The following COL14A1 variants were observed in gnomAD, a reference collection of about 807,000 sequenced individuals.
COL14A1 encodes collagen type XIV alpha 1 chain, also known as collagen alpha-1(XIV) chain.
A neutral mutation model predicts 230.3 loss-of-function variants in COL14A1; 136 were observed. The ratio of observed to expected loss-of-function variants is 0.59; its 90% confidence interval spans 0.51 to 0.68. The LOEUF (loss-of-function observed/expected upper bound fraction) is 0.68. COL14A1 is among the 30% of genes least tolerant of loss of function. The pLI is 0.00. For missense variants in COL14A1, 1,976 were observed against 2,215.8 expected (o/e 0.89, Z 2.17); for synonymous variants, 792 against 784.1 (o/e 1.01, Z -0.17).
chr8:120,237,706 A>G (rs1818490837), intron 19 of COL14A1, among the ~76,000 whole-genome samples: 2 of 151,920 alleles, frequency 1.3e-5, no homozygotes, highest in African/African-American at 4.8e-5. Flanking sequence ...GGTTTTTGAA[A>G]CTTTCAGCCT....
chr8:120,324,283 A>G (rs1479916947), intron 40 of COL14A1, among the ~76,000 whole-genome samples: 1 of 152,180 alleles, frequency 6.6e-6, no homozygotes, highest in African/African-American at 2.4e-5. Context: ...TACATATAAT[A>G]TATAAATAGA....
At position 120,300,750 on chromosome 8, in the gene COL14A1, C is replaced by T; in HGVS notation, c.4333C>T (p.Pro1445Ser). ...LPGLRDDESC[P>S]DLPHSCSCSE... ...TTTTCAGAGAGATGATGAGTCTTGC[C>T]CAGACCTTCCCCATTCCTGCTCCTG... Residue 1445 changes from proline to serine, a missense_variant, in exon 36 of 48, where the codon CCA becomes TCA. By Grantham distance (74) the Pro-to-Ser change is moderately conservative (BLOSUM62 -1). Coordinates refer to ENST00000297848, the MANE Select transcript of COL14A1 (RefSeq NM_021110.4). 1.2e-6 allele frequency: 2 copies of T among 1,613,382 alleles called. No individual in the cohort carries two copies. The highest frequency in any genetic ancestry group is 1.7e-6 in the Non-Finnish European group (2 of 1,179,568).
chr8:120,260,745 G>C (rs1259355698), intron 23 of COL14A1, among the ~76,000 whole-genome samples: 1 of 152,168 alleles, frequency 6.6e-6, no homozygotes, highest in Admixed American at 6.5e-5. Context: ...GAAAACACTT[G>C]AAACTCTTCA....
intron 24 of COL14A1, among the ~76,000 whole-genome samples, chr8:120,264,917 G>A (rs983234162): frequency 2.0e-5 from 3 of 152,030 alleles, no homozygotes; most frequent in African/African-American, 4.8e-5. Context: ...CCTTGACCCC[G>A]CACTGGTTAA....
intron 26 of COL14A1, among the ~76,000 whole-genome samples, chr8:120,273,822 C>A (rs1270321550): frequency 1.3e-5 from 2 of 150,550 alleles, no homozygotes; most frequent in African/African-American, 4.9e-5. Flanking sequence ...AAAAAAAGGC[C>A]CAGGGCCAGA....
At chr8:120,146,972 A>G (rs1332390746) in intron 1 of COL14A1, among the ~76,000 whole-genome samples, 1 of 152,038 alleles carries the variant, frequency 6.6e-6, no homozygotes, top group African/African-American at 2.4e-5. Context: ...TGGTCTTTTA[A>G]ATTAATACAG....
intron 42 of COL14A1, among the ~76,000 whole-genome samples, chr8:120,336,972 A>G (rs138380173): frequency 6.6e-6 from 1 of 152,276 alleles, no homozygotes; most frequent in East Asian, 1.9e-4. Flanking sequence ...TCAACTATTG[A>G]TGTTTGTCTC....
intron 7 of COL14A1, among the ~76,000 whole-genome samples, chr8:120,198,536 A>T (rs1817122101): frequency 6.6e-6 from 1 of 152,212 alleles, no homozygotes; most frequent in African/African-American, 2.4e-5. Context: ...CCCAACTCTG[A>T]AAATCCAAAA....
intron 4 of COL14A1, among the ~76,000 whole-genome samples, chr8:120,163,081 C>T (rs1815738248): frequency 6.6e-6 from 1 of 152,130 alleles, no homozygotes; most frequent in Non-Finnish European, 1.5e-5. Flanking sequence ...TGTAGGATCC[C>T]CAGAAGGCGC....
intron 9 of COL14A1, among the ~76,000 whole-genome samples, chr8:120,204,359 A>G (rs1817363088): frequency 6.6e-6 from 1 of 152,132 alleles, no homozygotes; most frequent in Admixed American, 6.6e-5. Context: ...CTAATCCCAG[A>G]CAACCACTAC....
chr8:120,234,507 G>C (rs2130826344), intron 19 of COL14A1, among the ~76,000 whole-genome samples: 1 of 152,246 alleles, frequency 6.6e-6, no homozygotes, highest in Admixed American at 6.5e-5. Flanking sequence ...AGTTTATTAA[G>C]AGTTTTTAGC....
intron 25 of COL14A1, among the ~76,000 whole-genome samples, chr8:120,268,070 T>A (rs977002353): frequency 1.3e-5 from 2 of 151,778 alleles, no homozygotes; most frequent in Non-Finnish European, 2.9e-5. Context: ...CAGAGGCAAT[T>A]AAGAACTCTA....
At chr8:120,316,315 GC>G (rs1821231662) in intron 40 of COL14A1, among the ~76,000 whole-genome samples, 4 of 152,052 alleles carry the variant, frequency 2.6e-5, no homozygotes, top group African/African-American at 9.7e-5. Flanking sequence ...AATCCTTGAG[GC>G]ATAAATGTAA....
At chr8:120,233,812 G>T (rs936430488) in intron 19 of COL14A1, among the ~76,000 whole-genome samples, 3 of 152,022 alleles carry the variant, frequency 2.0e-5, no homozygotes, top group African/African-American at 4.8e-5. Flanking sequence ...CTCTTTTTTG[G>T]TTCCATGTGA....
intron 21 of COL14A1, 124 bp downstream of exon 21, chr8:120,247,859 C>A: frequency 8.5e-7 from 1 of 1,179,234 alleles, no homozygotes; most frequent in Non-Finnish European, 1.2e-6. Context: ...TAGGGAGAAC[C>A]TCTTACTTGT....
At chr8:120,226,103 G>A (rs200783007) in intron 15 of COL14A1, among the ~76,000 whole-genome samples, 1 of 151,924 alleles carries the variant, frequency 6.6e-6, no homozygotes, top group East Asian at 1.9e-4. Flanking sequence ...TCCCAGAAGT[G>A]TGTAAGCTCT....
In COL14A1 at chr8:120,199,570, T is replaced by C; in HGVS notation, c.877+4T>C. 1.9e-6 allele frequency: 3 copies of C among 1,610,020 alleles called. No homozygotes were observed. Among genetic ancestry groups the C allele is most frequent in the Non-Finnish European group, 1.7e-6 (2 of 1,178,498 alleles). On this transcript the variant is annotated splice_donor_region_variant and intron_variant, in intron 8 of 47. Coordinates refer to ENST00000297848, the MANE Select transcript of COL14A1 (RefSeq NM_021110.4). ...GGTGTAGAACTGTTTGCCATAGGTA[T>C]GTGCTCTTTATAGTCTTGTTTCAAC...
At chr8:120,250,915 C>T (rs546011822) in intron 22 of COL14A1, 149 bp downstream of exon 22, 2 of 841,428 alleles carry the variant, frequency 2.4e-6, no homozygotes, top group Non-Finnish European at 3.6e-6. Flanking sequence ...TCAAGTGATT[C>T]TCCTGCCTCA....
In COL14A1 at chr8:120,226,776, C is replaced by T. The variant is rs772037551; in HGVS notation, c.2004+10C>T. On this transcript the variant is annotated intron_variant, in intron 16 of 47. Transcript: ENST00000297848. The stretch of plus-strand genomic sequence containing the variant: ...GGGGAAGACTGAGGAGGTGAGTTTT[C>T]TGAAACAGACTGAAAATTAATCTGG... The T allele has an allele frequency of 1.4e-5, 23 of 1,610,558 alleles. No individual in the cohort carries two copies. In the South Asian group the frequency reaches 2.4e-4, roughly 17 times the overall value.
Sources: allele counts gnomAD v4.1 joint callset (sites outside exome capture counted in the v4.1 genomes callset), GRCh38; gene constraint gnomAD v4.1.1; transcripts MANE v1.5; gene names NCBI Gene and HGNC (gene_info 2026-07-23, HGNC 2026-07-21).